DENND2B: variants seen among roughly 807,000 people sequenced by gnomAD.
DENND2B encodes the protein DENN domain containing 2B.
In DENND2B, 32 loss-of-function variants were observed where a neutral mutation model predicts 116.0. The observed-to-expected ratio is 0.28, with a 90% CI of 0.21 to 0.37. DENND2B has a LOEUF of 0.37. Ranked by LOEUF, DENND2B falls within the 10% of genes least tolerant of loss-of-function variation. The pLI, the probability that DENND2B is intolerant of heterozygous loss-of-function variation, is 1.00. For synonymous variants in DENND2B, 588 were observed against 583.9 expected (o/e 1.01, Z -0.10); for missense variants, 1,276 against 1,477.7 (o/e 0.86, Z 2.24).
chr11:8,790,825 G>C (rs1053345102), intron 1 of DENND2B, among the ~76,000 whole-genome samples: 2 of 152,072 alleles, frequency 1.3e-5, no homozygotes, highest in African/African-American at 4.8e-5. Context: ...AATGATGCTC[G>C]CTAAATCCTG....
chr11:8,801,919 G>C (rs1165197038), intron 1 of DENND2B, among the ~76,000 whole-genome samples: 2 of 150,040 alleles, frequency 1.3e-5, no homozygotes, highest in East Asian at 3.9e-4. Flanking sequence ...TTGAGCCAGG[G>C]AGGCAGAAGT....
chr11:8,905,996 A>G (rs1404839557), intron 1 of DENND2B, among the ~76,000 whole-genome samples: 1 of 151,360 alleles, frequency 6.6e-6, no homozygotes, highest in East Asian at 2.0e-4. Flanking sequence ...CAAGCAGAAG[A>G]CTGGTCACCT....
chr11:8,703,432 G>C (rs1263844279), intron 13 of DENND2B: 1 of 152,450 alleles, frequency 6.6e-6, no homozygotes, highest in Admixed American at 6.5e-5. Context: ...CCACAGCTCA[G>C]AGAGCCACTT....
chr11:8,711,937 A>G (rs191904277), intron 9 of DENND2B: 7 of 455,054 alleles, frequency 1.5e-5, no homozygotes, highest in African/African-American at 1.4e-4. Flanking sequence ...GGCTCCATGC[A>G]GGTGTCTGGA....
At chr11:8,904,727 ACAATAT>A (rs2064213852) in intron 1 of DENND2B, among the ~76,000 whole-genome samples, 1 of 152,222 alleles carries the variant, frequency 6.6e-6, no homozygotes, top group Admixed American at 6.5e-5. Flanking sequence ...GTTACAGGAT[ACAATAT>A]CAATATGAAA....
chr11:8,796,528 C>T (rs982719306), intron 1 of DENND2B, among the ~76,000 whole-genome samples: 2 of 152,084 alleles, frequency 1.3e-5, no homozygotes, highest in Non-Finnish European at 2.9e-5. Context: ...GACAGAGAAT[C>T]CATCTCGAAA....
At chr11:8,748,163 C>A (rs1321197071) in intron 2 of DENND2B, among the ~76,000 whole-genome samples, 1 of 152,132 alleles carries the variant, frequency 6.6e-6, no homozygotes, top group African/African-American at 2.4e-5. Context: ...AAGGCCCCAA[C>A]ACCCTCCCCT....
chr11:8,801,689 A>AG (rs1555198989), intron 1 of DENND2B, among the ~76,000 whole-genome samples: 43,734 of 117,910 alleles, frequency 0.37, 9,899 homozygotes, highest in Non-Finnish European at 0.48. Context: ...AAAAAAAAAA[A>AG]AAAGAAAGAA....
intron 1 of DENND2B, among the ~76,000 whole-genome samples, chr11:8,884,762 T>C (rs1038807816): frequency 5.9e-5 from 9 of 152,192 alleles, no homozygotes; most frequent in African/African-American, 2.2e-4. Flanking sequence ...TACTCCACCC[T>C]TTAAGGCAGA....
chr11:8,815,844 C>A (rs577593831), intron 4 of DENND2B, among the ~76,000 whole-genome samples: 72 of 152,270 alleles, frequency 4.7e-4, no homozygotes, highest in African/African-American at 1.7e-3. Flanking sequence ...ATAAACGAAT[C>A]ATTGAAAAGA....
intron 4 of DENND2B, among the ~76,000 whole-genome samples, chr11:8,823,880 C>T (rs943919520): frequency 4.6e-5 from 7 of 151,032 alleles, no homozygotes; most frequent in African/African-American, 1.7e-4. Context: ...GACTTGAGGC[C>T]ACTGCTCATT....
intron 2 of DENND2B, among the ~76,000 whole-genome samples, chr11:8,877,167 G>A (rs534532314): frequency 6.9e-6 from 1 of 143,976 alleles, no homozygotes; most frequent in South Asian, 2.3e-4. Context: ...GCAGTGGTGC[G>A]ATCTCGGCTC....
At chr11:8,900,786 G>A (rs1268094088) in intron 1 of DENND2B, among the ~76,000 whole-genome samples, 3 of 151,822 alleles carry the variant, frequency 2.0e-5, no homozygotes, top group African/African-American at 7.3e-5. Flanking sequence ...GGCCAATATG[G>A]TGAAACCCTC....
At chr11:8,839,434 GGATCCCTTAATT>G (rs1389944028) in intron 3 of DENND2B, 31 of 152,276 alleles carry the variant, frequency 2.0e-4, no homozygotes, top group African/African-American at 7.0e-4. Flanking sequence ...GCTTCAAATA[GGATCCCTTAATT>G]GTATTAGAGG....
intron 1 of DENND2B, among the ~76,000 whole-genome samples, chr11:8,765,160 C>A (rs987604065): frequency 6.6e-6 from 1 of 152,102 alleles, no homozygotes; most frequent in Non-Finnish European, 1.5e-5. Context: ...CAAACAAAGA[C>A]CTTCCCCCTA....
At chr11:8,711,046 G>A in intron 10 of DENND2B, 76 bp downstream of exon 10, 3 of 1,554,226 alleles carry the variant, frequency 1.9e-6, no homozygotes, top group Non-Finnish European at 2.7e-6. Flanking sequence ...ACTAGAGCAG[G>A]CCCCACTCAG....
intron 1 of DENND2B, among the ~76,000 whole-genome samples, chr11:8,805,520 G>A (rs1429065620): frequency 6.6e-6 from 1 of 152,058 alleles, no homozygotes; most frequent in African/African-American, 2.4e-5. Flanking sequence ...CTTTGACACT[G>A]TCAAGAGAAG....
intron 1 of DENND2B, among the ~76,000 whole-genome samples, chr11:8,799,202 C>G (rs1010939101): frequency 6.6e-6 from 1 of 152,130 alleles, no homozygotes; most frequent in African/African-American, 2.4e-5. Flanking sequence ...AACCAATAGC[C>G]CTTCTTACCT....
chr11:8,759,851 G>A (rs2054284339), intron 1 of DENND2B, among the ~76,000 whole-genome samples: 1 of 152,202 alleles, frequency 6.6e-6, no homozygotes, highest in Non-Finnish European at 1.5e-5. Flanking sequence ...GCTCCCCAGA[G>A]GAGGGCTGCC....
Sources: allele counts gnomAD v4.1 joint callset (sites outside exome capture counted in the v4.1 genomes callset), GRCh38; gene constraint gnomAD v4.1.1; transcripts MANE v1.5; gene names NCBI Gene and HGNC (gene_info 2026-07-23, HGNC 2026-07-21).